The following PCNX1 variants were observed in gnomAD, a reference collection of about 807,000 sequenced individuals.
The protein encoded by PCNX1 is pecanex-like protein 1.
A neutral mutation model predicts 242.2 loss-of-function variants in PCNX1; 78 were observed. The observed-to-expected ratio is 0.32, with a 90% CI of 0.27 to 0.39. PCNX1 has a LOEUF of 0.39. PCNX1 is among the 10% of genes least tolerant of loss of function. The pLI, the probability that PCNX1 is intolerant of heterozygous loss-of-function variation, is 1.00. For synonymous variants in PCNX1, 1,024 were observed against 1,032.9 expected, an observed-to-expected ratio of 0.99 and a Z score of 0.17; for missense variants, 2,581 against 2,856.5, an observed-to-expected ratio of 0.90 and a Z score of 2.20.
At chr14:71,070,778 T>A (rs1325027847) in intron 26 of PCNX1, among the ~76,000 whole-genome samples, 1 of 152,200 alleles carries the variant, frequency 6.6e-6, no homozygotes, top group Non-Finnish European at 1.5e-5. Flanking sequence ...AAATGGTAAA[T>A]GAGCATTTCA....
At chr14:70,926,256 T>C (rs1385640058) in intron 1 of PCNX1, among the ~76,000 whole-genome samples, 2 of 152,100 alleles carry the variant, frequency 1.3e-5, no homozygotes, top group African/African-American at 4.8e-5. Flanking sequence ...CATTAAACTT[T>C]TATGTGCTTT....
At chr14:71,007,391 A>C (rs1215245288) in intron 8 of PCNX1, among the ~76,000 whole-genome samples, 1 of 152,126 alleles carries the variant, frequency 6.6e-6, no homozygotes, top group Non-Finnish European at 1.5e-5. Flanking sequence ...ATATACCAAG[A>C]ACAGAACTTA....
rs2058920243 is a variant in PCNX1 at position 70,983,902 on chromosome 14, A to G, written c.2312-4665A>G. On this transcript the variant is annotated intron_variant, in intron 6 of 35. Transcript: ENST00000304743. ...AAAGAAACTAAGAAAGGGAAAAACT[A>G]TTTAGATAAAGTGGATTTCATGCCT... Among the ~76,000 whole-genome samples the G allele has an allele frequency of 2.0e-5, 3 of 151,488 alleles. No individual in the cohort carries two copies. The South Asian group carries it at 6.2e-4, about 31-fold the overall frequency.
intron 28 of PCNX1, among the ~76,000 whole-genome samples, chr14:71,086,765 T>G (rs2062002507): frequency 6.6e-6 from 1 of 152,188 alleles, no homozygotes; most frequent in South Asian, 2.1e-4. Context: ...CTCAGAGGCC[T>G]CTGTCTCAAT....
intron 1 of PCNX1, among the ~76,000 whole-genome samples, chr14:70,916,172 A>T (rs1441337371): frequency 6.6e-6 from 1 of 152,144 alleles, no homozygotes; most frequent in Non-Finnish European, 1.5e-5. Flanking sequence ...CTATCAAGGG[A>T]TGGTAGGATT....
intron 28 of PCNX1, among the ~76,000 whole-genome samples, chr14:71,079,441 A>G (rs1455091613): frequency 6.6e-6 from 1 of 152,196 alleles, no homozygotes; most frequent in African/African-American, 2.4e-5. Flanking sequence ...CAATGGTTGA[A>G]CTAATTTACA....
In PCNX1 at chr14:71,114,150, TGAGG is replaced by T. The variant is rs1566821609; in HGVS notation, c.*4216_*4219del. 2 of 152,186 alleles carry T rather than the reference TGAGG, an allele frequency of 1.3e-5. No homozygotes were observed. Among genetic ancestry groups the T allele is most frequent in the African/African-American group, 4.8e-5 (2 of 41,444 alleles). The allele number at this position is 152,186 out of a possible 1,614,324, so 9.4% of individuals were successfully genotyped here. A position where few individuals can be genotyped will look rare whatever the true frequency, so the allele number is the denominator to read the frequency against. ...TACATGGATATTGTTTCATTGGTGT[TGAGG>T]AAGAAAAAAATTAGATACTACCATG... On this transcript the variant is annotated 3_prime_UTR_variant, in exon 36 of 36. Transcript: ENST00000304743.
Position 70,978,279 on chromosome 14 carries a change from A to G in PCNX1, c.1942A>G (p.Thr648Ala). Residue 648 changes from threonine (T) to alanine (A), a missense_variant, in exon 6 of 36, where the codon ACT becomes GCT. This residue lies in a region of PCNX1 where 1,204 missense variants were observed against 1,216.7 expected (regional missense o/e 0.99). Coordinates refer to ENST00000304743, the MANE Select transcript of PCNX1 (RefSeq NM_014982.3). ...ATACAGTGCTCTAAAGACCAAACACACTCATAAAGAAAGGGGCACAGACTC... is the reference window on the plus strand; with the variant it reads ...ATACAGTGCTCTAAAGACCAAACACGCTCATAAAGAAAGGGGCACAGACTC... ...GRYSALKTKH[T>A]HKERGTDSEH... 2.5e-6 allele frequency: 4 copies of G among 1,614,044 alleles called. No homozygotes were observed. Among genetic ancestry groups the G allele is most frequent in the Non-Finnish European group, 3.4e-6 (4 of 1,179,996 alleles).
chr14:71,029,458 C>T (rs1018484717), intron 16 of PCNX1, among the ~76,000 whole-genome samples: 1 of 152,084 alleles, frequency 6.6e-6, no homozygotes, highest in Admixed American at 6.5e-5. Flanking sequence ...ATTTAAGTAG[C>T]ATTTATAGAG....
intron 1 of PCNX1, among the ~76,000 whole-genome samples, chr14:70,942,508 G>C (rs536572032): frequency 6.6e-6 from 1 of 152,306 alleles, no homozygotes; most frequent in South Asian, 2.1e-4. Flanking sequence ...ACACCAAGCA[G>C]TCAACCAATT....
intron 30 of PCNX1, among the ~76,000 whole-genome samples, 162 bp downstream of exon 30, chr14:71,089,504 G>T (rs896948198): frequency 3.3e-5 from 5 of 152,282 alleles, no homozygotes; most frequent in East Asian, 1.9e-4. Flanking sequence ...CAGGGGTGGG[G>T]AGGCCTCAGG....
chr14:71,060,350 T>G (rs1003142728), intron 26 of PCNX1, among the ~76,000 whole-genome samples: 1 of 152,202 alleles, frequency 6.6e-6, no homozygotes, highest in African/African-American at 2.4e-5. Context: ...ATGCTATACT[T>G]TTTATGGTTA....
intron 8 of PCNX1, among the ~76,000 whole-genome samples, chr14:71,003,793 A>G (rs532697176): frequency 6.6e-6 from 1 of 152,360 alleles, no homozygotes; most frequent in South Asian, 2.1e-4. Flanking sequence ...GTTGCCAAGC[A>G]ATAGAGATAT....
At chr14:70,934,182 G>T (rs530326360) in intron 1 of PCNX1, among the ~76,000 whole-genome samples, 1 of 152,304 alleles carries the variant, frequency 6.6e-6, no homozygotes, top group African/African-American at 2.4e-5. Flanking sequence ...GCGTTTTCAA[G>T]AGTCCTATTA....
chr14:71,033,901 T>C, intron 17 of PCNX1, 30 bp from the exon 18 acceptor site: 2 of 1,101,808 alleles, frequency 1.8e-6, no homozygotes, highest in South Asian at 2.7e-5. Context: ...ATTATCTATG[T>C]ATTTTCTGTT....
chr14:71,050,332 G>T (rs1161855295), intron 22 of PCNX1, among the ~76,000 whole-genome samples: 1 of 151,848 alleles, frequency 6.6e-6, no homozygotes, highest in Non-Finnish European at 1.5e-5. Context: ...CAGTTATTTG[G>T]CTGCTTTCTA....
chr14:70,967,024 C>CT (rs548554565), intron 3 of PCNX1, among the ~76,000 whole-genome samples: 4 of 152,002 alleles, frequency 2.6e-5, no homozygotes, highest in South Asian at 2.1e-4. Context: ...TATTACAAAG[C>CT]TTTTTTTTAT....
chr14:70,923,193 T>C (rs2056446487), intron 1 of PCNX1, among the ~76,000 whole-genome samples: 1 of 152,106 alleles, frequency 6.6e-6, no homozygotes, highest in Non-Finnish European at 1.5e-5. Context: ...TCTATATATA[T>C]GTAAAAATTA....
chr14:71,047,228 T>A (rs1224092524), intron 21 of PCNX1, 123 bp downstream of exon 21: 2 of 545,928 alleles, frequency 3.7e-6, no homozygotes, highest in Admixed American at 7.6e-5. Context: ...GATTAAAAAT[T>A]TAGGTGACAT....
Sources: allele counts gnomAD v4.1 joint callset (sites outside exome capture counted in the v4.1 genomes callset), GRCh38; gene constraint gnomAD v4.1.1; regional missense constraint gnomAD v4.1.1; transcripts MANE v1.5; gene names NCBI Gene and HGNC (gene_info 2026-07-23, HGNC 2026-07-21).